ENTPD5: variants seen among roughly 807,000 people sequenced by gnomAD.
ENTPD5 encodes the protein nucleoside diphosphate phosphatase ENTPD5.
In ENTPD5, 49 loss-of-function variants were observed where a neutral mutation model predicts 60.2. The ratio of observed to expected loss-of-function variants is 0.81; its 90% confidence interval spans 0.65 to 1.03. ENTPD5 has a LOEUF of 1.03. Ranked by LOEUF, ENTPD5 falls within the 50% of genes least tolerant of loss-of-function variation. The probability of loss-of-function intolerance (pLI) is 0.00; values close to 1 mark genes in which losing one functional copy is unlikely to be tolerated. For missense variants in ENTPD5, 480 were observed against 507.6 expected, an observed-to-expected ratio of 0.95 and a Z score of 0.52; for synonymous variants, 187 against 185.4, an observed-to-expected ratio of 1.01 and a Z score of -0.07.
downstream of ENTPD5, chr14:73,961,387 AC>A (rs1230850755): frequency 1.9e-6 from 3 of 1,614,050 alleles, no homozygotes; most frequent in African/African-American, 1.3e-5. Context: ...TAAGACGATA[AC>A]AGAGCAGGGC....
downstream of ENTPD5, chr14:73,955,657 AG>A (rs1202492769): frequency 7.2e-7 from 1 of 1,397,282 alleles, no homozygotes; most frequent in African/African-American, 1.4e-5. Flanking sequence ...CATTCCCAGG[AG>A]AATTTTCTTC....
At chr14:74,018,245 A>T (rs1267375151) in intron 1 of ENTPD5, among the ~76,000 whole-genome samples, 3 of 152,180 alleles carry the variant, frequency 2.0e-5, no homozygotes, top group Non-Finnish European at 4.4e-5. Flanking sequence ...CAGAAGAAAC[A>T]GAAATTCAGA....
chr14:73,971,412 C>A (rs2057220345), intron 14 of ENTPD5, among the ~76,000 whole-genome samples: 1 of 152,220 alleles, frequency 6.6e-6, no homozygotes, highest in Admixed American at 6.5e-5. Flanking sequence ...CCACCTTGGC[C>A]TCCCAAAATG....
intron 3 of ENTPD5, among the ~76,000 whole-genome samples, chr14:73,988,421 T>A (rs1226854194): frequency 6.6e-6 from 1 of 152,224 alleles, no homozygotes; most frequent in East Asian, 1.9e-4. Flanking sequence ...TTGTACATAT[T>A]TATGGAATAC....
chr14:73,999,410 C>T (rs1230173941), intron 3 of ENTPD5, among the ~76,000 whole-genome samples: 2 of 152,006 alleles, frequency 1.3e-5, no homozygotes, highest in African/African-American at 4.8e-5. Flanking sequence ...ATTGCTTGAA[C>T]TCAGGACGCA....
In ENTPD5 at chr14:73,964,066, A is replaced by G. The variant is rs1269989319; in HGVS notation, c.*2862T>C. 1 of 152,210 alleles carries G rather than the reference A, an allele frequency of 6.6e-6. No homozygotes were observed. The highest frequency in any genetic ancestry group is 1.5e-5 in the Non-Finnish European group (1 of 68,034). 9.4% of individuals were successfully genotyped at this position (152,210 alleles called of 1,614,324 possible). A position where few individuals can be genotyped will look rare whatever the true frequency, so the allele number is the denominator to read the frequency against. On this transcript the variant is annotated 3_prime_UTR_variant, in exon 16 of 16. Coordinates refer to ENST00000334696, the MANE Select transcript of ENTPD5 (RefSeq NM_001249.5). Reference sequence around the variant, plus strand: ...CTGTGTGACTCCTGGCGGAGACTGCAGGGACAAGGTCATCTTTCACAAAAA... The same window carrying G: ...CTGTGTGACTCCTGGCGGAGACTGCGGGGACAAGGTCATCTTTCACAAAAA...
intron 10 of ENTPD5, 133 bp downstream of exon 10, chr14:73,975,803 G>T (rs1483872967): frequency 2.9e-6 from 2 of 686,552 alleles, no homozygotes; most frequent in African/African-American, 1.8e-5. Flanking sequence ...CCGGGTTTCA[G>T]TTGATAGGCC....
At position 73,983,071 on chromosome 14, in the gene ENTPD5, T is replaced by C. The variant is rs371192523; in HGVS notation, c.388A>G (p.Thr130Ala). Residue 130 changes from threonine (T) to alanine (A), a missense_variant, in exon 6 of 16, where the codon ACA (threonine) becomes GCA (alanine). Coordinates refer to ENST00000334696, the MANE Select transcript of ENTPD5 (RefSeq NM_001249.5). ...WKKTPVVLKA[T>A]AGLRLLPEHK... ...TCTGGCAGTAAGCGTAGTCCTGCTG[T>C]TGCCTTTAGGACCACTGGGGTCTTT... 53 of 1,614,074 alleles carry C rather than the reference T, an allele frequency of 3.3e-5. No homozygotes were observed. Among genetic ancestry groups the C allele is most frequent in the Non-Finnish European group, 4.4e-5 (52 of 1,180,018 alleles).
At chr14:73,962,561 GA>G (rs141459361), downstream of ENTPD5, 466 of 173,114 alleles carry the variant, frequency 2.7e-3, no homozygotes, top group East Asian at 6.7e-3. Context: ...CCAGTCTCTT[GA>G]AAAAAAAAAA....
chr14:73,980,340 C>T (rs1338727908), intron 6 of ENTPD5, among the ~76,000 whole-genome samples: 3 of 151,946 alleles, frequency 2.0e-5, no homozygotes, highest in Admixed American at 6.6e-5. Flanking sequence ...TCTCGGCTCA[C>T]TGCAAGCTCC....
rs2059184985 is a variant in ENTPD5 at position 74,019,265 on chromosome 14, C to T, written c.-253G>A. On this transcript the variant is annotated 5_prime_UTR_variant, in exon 1 of 16. Coordinates refer to ENST00000334696, the MANE Select transcript of ENTPD5 (RefSeq NM_001249.5). ...GCACACTCACCGCGCGCGCGCCACC[C>T]TTGCGCGGCAGCCCGCCGCCCTCGG... 3.1e-6 allele frequency: 1 copy of T among 319,146 alleles called. No homozygotes were observed. Among genetic ancestry groups the T allele is most frequent in the Non-Finnish European group, 4.6e-6 (1 of 218,266 alleles). The allele number at this position is 319,146 out of a possible 1,614,324, so 19.8% of individuals were successfully genotyped here. A position where few individuals can be genotyped will look rare whatever the true frequency, so the allele number is the denominator to read the frequency against.
At chr14:74,014,092 G>A (rs2058934412) in intron 2 of ENTPD5, among the ~76,000 whole-genome samples, 2 of 152,078 alleles carry the variant, frequency 1.3e-5, no homozygotes, top group Non-Finnish European at 2.9e-5. Flanking sequence ...GCTCTGTTGG[G>A]ATGGACAACT....
At chr14:73,959,421 G>A, downstream of ENTPD5, 1 of 1,614,202 alleles carries the variant, frequency 6.2e-7, no homozygotes, top group East Asian at 2.2e-5. Flanking sequence ...ACAGCTCTCA[G>A]ACACCTTGAG....
chr14:73,955,658 G>A (rs569943248), downstream of ENTPD5: 2 of 1,415,082 alleles, frequency 1.4e-6, no homozygotes, highest in African/African-American at 1.4e-5. Context: ...ATTCCCAGGA[G>A]AATTTTCTTC....
At chr14:74,009,945 C>T (rs906185815) in intron 3 of ENTPD5, among the ~76,000 whole-genome samples, 3 of 152,170 alleles carry the variant, frequency 2.0e-5, no homozygotes, top group African/African-American at 7.2e-5. Context: ...GTGCCCGCCA[C>T]CACGCCCAGC....
At chr14:73,967,884 G>A (rs1304517849) in intron 15 of ENTPD5, among the ~76,000 whole-genome samples, 3 of 152,054 alleles carry the variant, frequency 2.0e-5, no homozygotes, top group Non-Finnish European at 2.9e-5. Flanking sequence ...TAGCACTTTG[G>A]GAGGCTGAGG....
downstream of ENTPD5, chr14:73,959,478 A>G (rs1473208898): frequency 6.2e-7 from 1 of 1,614,224 alleles, no homozygotes; most frequent in East Asian, 2.2e-5. Context: ...AGAGCTAGTT[A>G]GCATGGATGA....
downstream of ENTPD5, chr14:73,961,457 A>G: frequency 6.2e-7 from 1 of 1,614,142 alleles, no homozygotes; most frequent in Non-Finnish European, 8.5e-7. Flanking sequence ...ATTCTTAGGG[A>G]TGCAGCCCAC....
chr14:73,996,082 G>A, intron 3 of ENTPD5: 3 of 923,340 alleles, frequency 3.2e-6, no homozygotes, highest in South Asian at 1.0e-4. Context: ...AATCCCAGAG[G>A]ACCTGGGCCC....
Sources: gnomAD v4.1 joint callset for allele counts (sites outside exome capture counted in the v4.1 genomes callset) on GRCh38, gnomAD v4.1.1 for gene constraint, MANE v1.5 for transcripts, NCBI Gene and HGNC (gene_info 2026-07-23, HGNC 2026-07-21) for gene names.